KLF12: variants seen among roughly 807,000 people sequenced by gnomAD.
KLF12 encodes the protein Krueppel-like factor 12.
A neutral mutation model predicts 37.8 loss-of-function variants in KLF12; 9 were observed. The observed-to-expected ratio is 0.24, with a 90% CI of 0.14 to 0.42. The LOEUF (loss-of-function observed/expected upper bound fraction) is 0.42. Ranked by LOEUF, KLF12 falls within the 10% of genes least tolerant of loss-of-function variation. KLF12 has a pLI of 1.00. For missense variants in KLF12, 411 were observed against 516.0 expected (o/e 0.80, Z 1.97); for synonymous variants, 208 against 202.1 (o/e 1.03, Z -0.25).
intron 3 of KLF12, among the ~76,000 whole-genome samples, chr13:73,876,168 A>T (rs569014831): frequency 6.9e-6 from 1 of 145,492 alleles, no homozygotes; most frequent in African/African-American, 2.5e-5. Context: ...AAAAAAAAAA[A>T]GGTTTTAGCT....
At chr13:74,114,981 G>A (rs1760460838) in intron 1 of KLF12, among the ~76,000 whole-genome samples, 1 of 151,990 alleles carries the variant, frequency 6.6e-6, no homozygotes, top group Non-Finnish European at 1.5e-5. Context: ...TGTTCCTTAT[G>A]AGAATCTAAT....
At chr13:74,146,136 A>T in the KLF12 span, among the ~76,000 whole-genome samples, 1 of 152,204 alleles carries the variant, frequency 6.6e-6, no homozygotes, top group African/African-American at 2.4e-5. Context: ...AGCAAAGCAC[A>T]TCTAAGTTAA....
chr13:73,717,077 T>C lies in KLF12; in HGVS notation c.870-1552A>G, dbSNP rs540555926. On this transcript the variant is annotated intron_variant, in intron 6 of 7. Transcript: ENST00000377669. Reference sequence around the variant, plus strand: ...CAACACCGAGGGCCACACAGTCTTATGTTGTAGCTAATCAATTCTGCAACT... The same window carrying C: ...CAACACCGAGGGCCACACAGTCTTACGTTGTAGCTAATCAATTCTGCAACT... Among the ~76,000 whole-genome samples the C allele has an allele frequency of 3.3e-5, 5 of 152,366 alleles. No individual in the cohort carries two copies. The East Asian group carries it at 9.6e-4, about 29-fold the overall frequency.
chr13:73,700,379 A>C (rs1262201526), intron 7 of KLF12, among the ~76,000 whole-genome samples: 2 of 151,906 alleles, frequency 1.3e-5, no homozygotes, highest in African/African-American at 4.8e-5. Context: ...AAGGAATGAA[A>C]ACCTTTCCTA....
In KLF12 at chr13:73,770,079, A is replaced by C. The variant is rs142999873; in HGVS notation, c.807-5079T>G. Among the ~76,000 whole-genome samples, 456 of 152,350 alleles carry C rather than the reference A, an allele frequency of 3.0e-3. 2 individuals are homozygous for C. Among genetic ancestry groups the C allele is most frequent in the African/African-American group, 0.01 (433 of 41,592 alleles). Reference sequence around the variant, plus strand: ...TTGTGCAAAGCATTAAACATAATACATACTTTAACAACTCAGTTTACTACA... The same window carrying C: ...TTGTGCAAAGCATTAAACATAATACCTACTTTAACAACTCAGTTTACTACA... On this transcript the variant is annotated intron_variant, in intron 5 of 7. Transcript: ENST00000377669.
intron 2 of KLF12, among the ~76,000 whole-genome samples, chr13:73,947,308 C>T (rs1018425468): frequency 2.0e-5 from 3 of 152,108 alleles, no homozygotes; most frequent in African/African-American, 4.8e-5. Flanking sequence ...TGACCAATTC[C>T]ATGTGCACGG....
At chr13:74,201,619 C>T in the KLF12 span, among the ~76,000 whole-genome samples, 1 of 152,090 alleles carries the variant, frequency 6.6e-6, no homozygotes, top group Non-Finnish European at 1.5e-5. Flanking sequence ...ACTTTTGAAT[C>T]CTCATGATGA....
At chr13:73,963,136 A>G (rs7992337) in intron 2 of KLF12, among the ~76,000 whole-genome samples, 110,408 of 152,048 alleles carry the variant, frequency 0.73, 40,858 homozygotes, top group East Asian at 0.88. Flanking sequence ...GCTATCTGGT[A>G]TACTTATTAA....
At chr13:74,135,721 C>T (rs1194729098), upstream of KLF12, among the ~76,000 whole-genome samples, 1 of 152,138 alleles carries the variant, frequency 6.6e-6, no homozygotes, top group Non-Finnish European at 1.5e-5. Context: ...CCGGCCCGCC[C>T]CGCGTGGGAA....
chr13:73,950,158 G>A (rs972916170), intron 2 of KLF12, among the ~76,000 whole-genome samples: 1 of 152,112 alleles, frequency 6.6e-6, no homozygotes, highest in Admixed American at 6.5e-5. Flanking sequence ...AAAGTGCCAA[G>A]CTATCACAAC....
the KLF12 span, among the ~76,000 whole-genome samples, chr13:74,293,016 G>A: frequency 1.3e-5 from 2 of 152,090 alleles, no homozygotes; most frequent in Admixed American, 6.5e-5. Flanking sequence ...TAGGACAGGG[G>A]TACAACAGGC....
chr13:73,777,891 G>A (rs891302762), intron 5 of KLF12, among the ~76,000 whole-genome samples: 6 of 151,968 alleles, frequency 3.9e-5, no homozygotes, highest in African/African-American at 1.2e-4. Context: ...CAGCACCTTG[G>A]GAGGCCGAGG....
At chr13:73,985,883 A>G (rs1380827879) in intron 2 of KLF12, among the ~76,000 whole-genome samples, 1 of 152,214 alleles carries the variant, frequency 6.6e-6, no homozygotes, top group Admixed American at 6.5e-5. Flanking sequence ...GGATCTCACT[A>G]CCCTGAAAGA....
At position 73,967,490 on chromosome 13, in the gene KLF12, G is replaced by A. The variant is rs79628066; in HGVS notation, c.34-23420C>T. On this transcript the variant is annotated intron_variant, in intron 2 of 7. Coordinates refer to ENST00000377669, the MANE Select transcript of KLF12 (RefSeq NM_007249.5). Reference sequence around the variant, plus strand: ...CTCCTGCTGAGACTCTCATCCTTCCGCCAAGGAGGAGTCCATGCCATCACC... The same window carrying A: ...CTCCTGCTGAGACTCTCATCCTTCCACCAAGGAGGAGTCCATGCCATCACC... Among the ~76,000 whole-genome samples, 43 of 152,254 alleles carry A rather than the reference G, an allele frequency of 2.8e-4. No individual in the cohort carries two copies. In the East Asian group the frequency reaches 7.9e-3, roughly 28 times the overall value.
chr13:74,175,654 G>C, the KLF12 span, among the ~76,000 whole-genome samples: 59 of 152,268 alleles, frequency 3.9e-4, no homozygotes, highest in African/African-American at 1.3e-3. Context: ...TGCATATCTG[G>C]AGACTATGTA....
intron 4 of KLF12, among the ~76,000 whole-genome samples, chr13:73,845,400 A>T (rs1311089628): frequency 6.6e-6 from 1 of 152,204 alleles, no homozygotes; most frequent in African/African-American, 2.4e-5. Flanking sequence ...TATCACCTAA[A>T]TAAATTCCAA....
intron 3 of KLF12, among the ~76,000 whole-genome samples, chr13:73,887,332 G>C (rs1334053000): frequency 6.6e-6 from 1 of 152,180 alleles, no homozygotes; most frequent in Non-Finnish European, 1.5e-5. Flanking sequence ...CTCAATGTTA[G>C]AGCTAGGGCC....
chr13:73,872,805 T>C (rs1886533192), intron 3 of KLF12, among the ~76,000 whole-genome samples: 1 of 152,200 alleles, frequency 6.6e-6, no homozygotes, highest in African/African-American at 2.4e-5. Flanking sequence ...AAGGCTAAAG[T>C]ACTGTCTGAC....
the KLF12 span, among the ~76,000 whole-genome samples, chr13:74,285,879 C>T: frequency 4.6e-5 from 7 of 152,140 alleles, no homozygotes; most frequent in Non-Finnish European, 8.8e-5. Flanking sequence ...CTCAGCCAAG[C>T]CCTGAAGCCA....
Sources: gnomAD v4.1 joint callset for allele counts (sites outside exome capture counted in the v4.1 genomes callset) on GRCh38, gnomAD v4.1.1 for gene constraint, MANE v1.5 for transcripts, NCBI Gene and HGNC (gene_info 2026-07-23, HGNC 2026-07-21) for gene names.